Variants in ATP8A2 observed in about 807,000 individuals in gnomAD.
ATP8A2 encodes ATPase phospholipid transporting 8A2.
A neutral mutation model predicts 165.6 loss-of-function variants in ATP8A2; 100 were observed. The observed-to-expected ratio is 0.60, with a 90% CI of 0.51 to 0.71. The LOEUF (loss-of-function observed/expected upper bound fraction) is 0.71, where lower values mean the gene tolerates loss of function less well. Ranked by LOEUF, ATP8A2 falls within the 30% of genes least tolerant of loss-of-function variation. The pLI is 0.00. For synonymous variants in ATP8A2, 543 were observed against 548.8 expected (o/e 0.99, Z 0.15); for missense variants, 1,227 against 1,479.5 (o/e 0.83, Z 2.80).
At chr13:25,386,902 C>T (rs1229011630) in intron 1 of ATP8A2, among the ~76,000 whole-genome samples, 2 of 148,726 alleles carry the variant, frequency 1.3e-5, no homozygotes, top group Non-Finnish European at 3.0e-5. Context: ...GAGGCTGAAG[C>T]AGGAGAATGG....
At chr13:25,412,408 T>G (rs2033994124) in intron 1 of ATP8A2, among the ~76,000 whole-genome samples, 1 of 152,204 alleles carries the variant, frequency 6.6e-6, no homozygotes, top group African/African-American at 2.4e-5. Flanking sequence ...AAGCAATAAC[T>G]TTGTTTCTGA....
chr13:25,714,414 T>A (rs1380727093), intron 25 of ATP8A2, among the ~76,000 whole-genome samples: 4 of 152,324 alleles, frequency 2.6e-5, no homozygotes, highest in Non-Finnish European at 4.4e-5. Flanking sequence ...ACTCTGGCTC[T>A]GTTAGTGCCA....
chr13:25,613,526 AT>A (rs1391150831), intron 24 of ATP8A2, among the ~76,000 whole-genome samples: 2 of 152,182 alleles, frequency 1.3e-5, no homozygotes, highest in East Asian at 3.9e-4. Flanking sequence ...ATGAGCCAAG[AT>A]TGTGCCACTG....
intron 33 of ATP8A2, among the ~76,000 whole-genome samples, chr13:25,914,381 T>C (rs1954207659): frequency 6.6e-6 from 1 of 152,228 alleles, no homozygotes; most frequent in Non-Finnish European, 1.5e-5. Context: ...TCTCCCACTT[T>C]ACACCTGTGT....
chr13:25,923,125 A>G (rs1954507924), intron 33 of ATP8A2, among the ~76,000 whole-genome samples: 1 of 152,178 alleles, frequency 6.6e-6, no homozygotes, highest in South Asian at 2.1e-4. Context: ...ACAAATTAAG[A>G]AATAGTGGCC....
chr13:26,004,505 C>T (rs1330797634), intron 35 of ATP8A2, among the ~76,000 whole-genome samples: 1 of 151,992 alleles, frequency 6.6e-6, no homozygotes, highest in Non-Finnish European at 1.5e-5. Flanking sequence ...TTATATTACC[C>T]TCTTGCCTAA....
intron 26 of ATP8A2, among the ~76,000 whole-genome samples, chr13:25,769,757 G>A (rs2044578707): frequency 6.6e-6 from 1 of 152,162 alleles, no homozygotes; most frequent in African/African-American, 2.4e-5. Flanking sequence ...ACCCCTGTGA[G>A]GTGAATTGCC....
intron 1 of ATP8A2, among the ~76,000 whole-genome samples, chr13:25,404,446 A>G (rs2033734099): frequency 6.6e-6 from 1 of 152,054 alleles, no homozygotes; most frequent in Non-Finnish European, 1.5e-5. Flanking sequence ...TGAGATTCAC[A>G]CTTGAGGATT....
intron 6 of ATP8A2, among the ~76,000 whole-genome samples, chr13:25,534,901 C>T (rs1481194776): frequency 1.3e-5 from 2 of 152,200 alleles, no homozygotes; most frequent in Middle Eastern, 3.2e-3. Flanking sequence ...AGAATTTGCA[C>T]ATTTAAACAA....
At chr13:25,837,422 ACCACAC>A (rs1223092855) in intron 29 of ATP8A2, 137 bp downstream of exon 29, 10 of 400,114 alleles carry the variant, frequency 2.5e-5, no homozygotes, top group African/African-American at 4.3e-5. Context: ...TCACCCCACC[ACCACAC>A]ACACACACAC....
At chr13:25,455,701 G>A (rs528903076) in intron 1 of ATP8A2, among the ~76,000 whole-genome samples, 33 of 152,226 alleles carry the variant, frequency 2.2e-4, no homozygotes, top group African/African-American at 7.0e-4. Context: ...GCCAGACTCC[G>A]TTCATTCCTT....
At chr13:25,580,635 G>C (rs2138236694) in intron 22 of ATP8A2, among the ~76,000 whole-genome samples, 1 of 152,270 alleles carries the variant, frequency 6.6e-6, no homozygotes, top group East Asian at 1.9e-4. Context: ...CTGGGTTCAA[G>C]CTAACCTCCT....
At chr13:25,890,402 C>T (rs751471533) in intron 33 of ATP8A2, among the ~76,000 whole-genome samples, 42 of 152,142 alleles carry the variant, frequency 2.8e-4, no homozygotes, top group Middle Eastern at 3.2e-3. Context: ...AAATGTACAT[C>T]AGTTAAAAGT....
intron 24 of ATP8A2, among the ~76,000 whole-genome samples, chr13:25,615,024 G>T (rs544342565): frequency 1.6e-4 from 25 of 152,278 alleles, no homozygotes; most frequent in Non-Finnish European, 3.1e-4. Context: ...TAGTATAGGG[G>T]GATACAAGCT....
intron 27 of ATP8A2, among the ~76,000 whole-genome samples, chr13:25,803,029 G>A (rs1335593145): frequency 1.3e-5 from 2 of 151,368 alleles, no homozygotes; most frequent in Non-Finnish European, 2.9e-5. Context: ...TTTTTTAAAG[G>A]CGTGAAGGAT....
intron 1 of ATP8A2, among the ~76,000 whole-genome samples, chr13:25,465,932 T>A (rs2035656656): frequency 6.6e-6 from 1 of 151,574 alleles, no homozygotes; most frequent in Non-Finnish European, 1.5e-5. Flanking sequence ...GCTGAGGGTT[T>A]TCTTTTCAGA....
chr13:25,861,649 AGAG>A (rs1484067694), intron 32 of ATP8A2, among the ~76,000 whole-genome samples: 2 of 152,172 alleles, frequency 1.3e-5, no homozygotes, highest in Admixed American at 1.3e-4. Flanking sequence ...TTACGATGTT[AGAG>A]GAGGAGGTAG....
At chr13:25,637,553 C>T (rs895015764) in intron 24 of ATP8A2, among the ~76,000 whole-genome samples, 2 of 152,132 alleles carry the variant, frequency 1.3e-5, no homozygotes, top group African/African-American at 2.4e-5. Flanking sequence ...TGGCAGCAAG[C>T]TTGGGGTGGG....
intron 35 of ATP8A2, among the ~76,000 whole-genome samples, chr13:25,996,058 C>T (rs1956494897): frequency 6.6e-6 from 1 of 152,066 alleles, no homozygotes; most frequent in Non-Finnish European, 1.5e-5. Flanking sequence ...TTACTTTGCT[C>T]TAAAGACCAC....
Sources: gnomAD v4.1 joint callset for allele counts (sites outside exome capture counted in the v4.1 genomes callset) on GRCh38, gnomAD v4.1.1 for gene constraint, MANE v1.5 for transcripts, NCBI Gene and HGNC (gene_info 2026-07-23, HGNC 2026-07-21) for gene names.